Variants in KCNK3 observed in about 807,000 individuals in gnomAD.
KCNK3 encodes potassium two pore domain channel subfamily K member 3, also known as potassium channel subfamily K member 3.
In KCNK3, 9 loss-of-function variants were observed where a neutral mutation model predicts 27.3. The observed-to-expected ratio is 0.33, with a 90% CI of 0.20 to 0.57. The LOEUF (loss-of-function observed/expected upper bound fraction) is 0.57, where lower values mean the gene tolerates loss of function less well. Ranked by LOEUF, KCNK3 falls within the 20% of genes least tolerant of loss-of-function variation. The pLI, the probability that KCNK3 is intolerant of heterozygous loss-of-function variation, is 0.87. For missense variants in KCNK3, 391 were observed against 577.7 expected, an observed-to-expected ratio of 0.68 and a Z score of 3.31; for synonymous variants, 278 against 273.8, an observed-to-expected ratio of 1.02 and a Z score of -0.15.
chr2:26,713,337 G>A (rs1216296821), intron 1 of KCNK3, among the ~76,000 whole-genome samples: 1 of 152,198 alleles, frequency 6.6e-6, no homozygotes, highest in African/African-American at 2.4e-5. Context: ...TGGTGAGGGA[G>A]TCAGGAGAGG....
chr2:26,715,372 C>CATT (rs1196227272), intron 1 of KCNK3, among the ~76,000 whole-genome samples: 1 of 152,232 alleles, frequency 6.6e-6, no homozygotes, highest in Non-Finnish European at 1.5e-5. Context: ...TTACTACCAC[C>CATT]ATTAGCTGCT....
At position 26,721,372 on chromosome 2, in the gene KCNK3, G is replaced by A. The variant is rs571144946; in HGVS notation, c.284-6295G>A. ...GGGAGAGCACCTGCGCCCTCCTCCC[G>A]TCTCCACCAAGCTGCAGCCCCTCCC... On this transcript the variant is annotated intron_variant, in intron 1 of 1. Coordinates refer to ENST00000302909, the MANE Select transcript of KCNK3 (RefSeq NM_002246.3). The surrounding 1 kb of genome is among the most constrained non-coding windows in gnomAD (Gnocchi z 4.3). 9.2e-5 allele frequency among the ~76,000 whole-genome samples: 14 copies of A among 152,032 alleles called. No homozygotes were observed. Among genetic ancestry groups the A allele is most frequent in the African/African-American group, 2.2e-4 (9 of 41,390 alleles).
At chr2:26,712,815 G>T (rs1182481449) in intron 1 of KCNK3, among the ~76,000 whole-genome samples, 1 of 152,102 alleles carries the variant, frequency 6.6e-6, no homozygotes, top group East Asian at 1.9e-4. Context: ...GTTGCCTGGA[G>T]TCCCTCTCTT....
At chr2:26,704,926 C>T (rs1670353788) in intron 1 of KCNK3, among the ~76,000 whole-genome samples, 1 of 152,182 alleles carries the variant, frequency 6.6e-6, no homozygotes, top group African/African-American at 2.4e-5. Flanking sequence ...ATTACCTCAT[C>T]CAATCCTCAT....
intron 1 of KCNK3, among the ~76,000 whole-genome samples, chr2:26,717,075 C>T (rs1456566173): frequency 6.6e-6 from 1 of 152,244 alleles, no homozygotes; most frequent in Non-Finnish European, 1.5e-5. Context: ...AAAGTATTTA[C>T]TATCTGGCCC....
In KCNK3 at chr2:26,726,902, A is replaced by C. The variant is rs533565016; in HGVS notation, c.284-765A>C. Reference sequence around the variant, plus strand: ...ACCTCCCCATGAGGACAGATCCTACATCAGGTCAAGTACAGAGGAAGACCC... The same window carrying C: ...ACCTCCCCATGAGGACAGATCCTACCTCAGGTCAAGTACAGAGGAAGACCC... On this transcript the variant is annotated intron_variant, in intron 1 of 1. Coordinates refer to ENST00000302909, the MANE Select transcript of KCNK3 (RefSeq NM_002246.3). Among the ~76,000 whole-genome samples the C allele has an allele frequency of 2.6e-5, 4 of 152,276 alleles. No homozygotes were observed. The East Asian group carries it at 7.7e-4, about 29-fold the overall frequency.
intron 1 of KCNK3, among the ~76,000 whole-genome samples, chr2:26,697,657 C>A (rs1466522643): frequency 2.0e-5 from 3 of 152,144 alleles, no homozygotes; most frequent in Non-Finnish European, 4.4e-5. Context: ...CTGCCATGGG[C>A]TCGCAGGTGC....
chr2:26,714,819 G>A (rs1663198913), intron 1 of KCNK3, among the ~76,000 whole-genome samples: 1 of 152,014 alleles, frequency 6.6e-6, no homozygotes, highest in Non-Finnish European at 1.5e-5. Context: ...CCAGGAGGCG[G>A]AGGTTGCAGT....
intron 1 of KCNK3, among the ~76,000 whole-genome samples, chr2:26,717,962 A>G (rs1251010972): frequency 1.3e-5 from 2 of 152,200 alleles, no homozygotes; most frequent in Non-Finnish European, 2.9e-5. Flanking sequence ...AAAAGAGATG[A>G]GAACCCCTGT....
intron 1 of KCNK3, among the ~76,000 whole-genome samples, chr2:26,715,098 C>G (rs907864287): frequency 6.6e-6 from 1 of 152,202 alleles, no homozygotes; most frequent in African/African-American, 2.4e-5. Context: ...ATCCATTCAA[C>G]TAACATTAGT....
intron 1 of KCNK3, among the ~76,000 whole-genome samples, chr2:26,701,951 CAATA>C (rs371151508): frequency 6.6e-6 from 1 of 152,096 alleles, no homozygotes; most frequent in African/African-American, 2.4e-5. Context: ...ATCAATCAAT[CAATA>C]AATAAAAACT....
intron 1 of KCNK3, among the ~76,000 whole-genome samples, chr2:26,724,320 G>A (rs1663373488): frequency 6.6e-6 from 1 of 152,246 alleles, no homozygotes; most frequent in African/African-American, 2.4e-5. Context: ...TCAGAGCAAC[G>A]CCTGAGGCTG....
chr2:26,713,777 CAA>C (rs111240045), intron 1 of KCNK3, among the ~76,000 whole-genome samples: 21 of 95,660 alleles, frequency 2.2e-4, no homozygotes, highest in South Asian at 3.8e-4. Context: ...GAATCCATCT[CAA>C]AAAAAAAAAA....
chr2:26,719,040 T>C (rs1178271589), intron 1 of KCNK3, among the ~76,000 whole-genome samples: 1 of 152,250 alleles, frequency 6.6e-6, no homozygotes, highest in East Asian at 1.9e-4. Flanking sequence ...ACTTTAATGG[T>C]CACACAATAT....
chr2:26,721,063 C>T lies in KCNK3; in HGVS notation c.284-6604C>T, dbSNP rs891377376. 2.6e-5 allele frequency among the ~76,000 whole-genome samples: 4 copies of T among 152,158 alleles called. No individual in the cohort carries two copies. The highest frequency in any genetic ancestry group is 5.9e-5 in the Non-Finnish European group (4 of 68,002). The stretch of plus-strand genomic sequence containing the variant: ...GGCCCTCCTGCCAAGGGCCACCTCC[C>T]GTCCCCATCCTGGATGTCTAAGGGG... On this transcript the variant is annotated intron_variant, in intron 1 of 1. Coordinates refer to ENST00000302909, the MANE Select transcript of KCNK3 (RefSeq NM_002246.3). The surrounding 1 kb of genome is among the most constrained non-coding windows in gnomAD (Gnocchi z 4.3).
At chr2:26,702,826 G>T (rs1041490586) in intron 1 of KCNK3, among the ~76,000 whole-genome samples, 3 of 152,064 alleles carry the variant, frequency 2.0e-5, no homozygotes, top group Admixed American at 2.0e-4. Context: ...ATCAATAAGG[G>T]CAGGCTGGGT....
chr2:26,693,176 G>T lies in KCNK3; in HGVS notation c.283+18G>T. On this transcript the variant is annotated intron_variant, in intron 1 of 1. Coordinates refer to ENST00000302909, the MANE Select transcript of KCNK3 (RefSeq NM_002246.3). This position sits in a 1 kb window ranked among gnomAD's most constrained non-coding sequence, Gnocchi z 5.5. ...CACCATCGGTAACGGCTCGCCGGGC[G>T]GGGGGCGGGAACCCAGGGCTGGGCG... 6.6e-7 allele frequency: 1 copy of T among 1,523,014 alleles called. No individual in the cohort carries two copies. The highest frequency in any genetic ancestry group is 1.2e-5 in the South Asian group (1 of 80,996). The allele number at this position is 1,523,014 out of a possible 1,614,324, so 94.3% of individuals were successfully genotyped here.
Position 26,729,925 on chromosome 2 carries a change from C to A in KCNK3, c.*1357C>A, listed in dbSNP as rs919227991. ...TTCTTTCCTTCCAGCTTGGCCTGCT[C>A]TTAAAAGCAAAGCTCCTGCAGTGTA... On this transcript the variant is annotated 3_prime_UTR_variant, in exon 2 of 2. Transcript: ENST00000302909. 6.6e-6 allele frequency: 1 copy of A among 152,112 alleles called. No individual in the cohort carries two copies. The highest frequency in any genetic ancestry group is 1.5e-5 in the Non-Finnish European group (1 of 68,072). 9.4% of individuals were successfully genotyped at this position (152,112 alleles called of 1,614,324 possible).
chr2:26,703,405 A>G (rs572665861), intron 1 of KCNK3, among the ~76,000 whole-genome samples: 1 of 152,214 alleles, frequency 6.6e-6, no homozygotes, highest in African/African-American at 2.4e-5. Context: ...CCATCACACC[A>G]CCCATATATC....
Sources: gnomAD v4.1 joint callset for allele counts (sites outside exome capture counted in the v4.1 genomes callset) on GRCh38, gnomAD v4.1.1 for gene constraint, Gnocchi (gnomAD v3.1) non-coding constraint, MANE v1.5 for transcripts, NCBI Gene and HGNC (gene_info 2026-07-23, HGNC 2026-07-21) for gene names.